The following AKAP6 variants were observed in gnomAD, a reference collection of about 807,000 sequenced individuals.
AKAP6 encodes the protein A-kinase anchoring protein 6, also known as A-kinase anchor protein 6.
AKAP6 carries 58 observed loss-of-function variants against 188.5 expected under a neutral mutation model. The ratio of observed to expected loss-of-function variants is 0.31; its 90% confidence interval spans 0.25 to 0.38. The LOEUF is 0.38. Ranked by LOEUF, AKAP6 falls within the 10% of genes least tolerant of loss-of-function variation. The probability of loss-of-function intolerance (pLI) is 1.00; values close to 1 mark genes in which losing one functional copy is unlikely to be tolerated. For missense variants in AKAP6, 2,710 were observed against 2,740.0 expected (o/e 0.99, Z 0.24); for synonymous variants, 989 against 998.6 (o/e 0.99, Z 0.18).
chr14:32,490,862 G>A (rs554864991), intron 2 of AKAP6, among the ~76,000 whole-genome samples: 1 of 152,144 alleles, frequency 6.6e-6, no homozygotes, highest in Non-Finnish European at 1.5e-5. Flanking sequence ...ACATAGGCTA[G>A]TCTGCTATAA....
At chr14:32,781,757 A>G (rs184832945) in intron 12 of AKAP6, among the ~76,000 whole-genome samples, 36 of 152,326 alleles carry the variant, frequency 2.4e-4, no homozygotes, top group African/African-American at 7.9e-4. Context: ...CTTGAAAACA[A>G]TCAATGTAAT....
chr14:32,669,846 C>T (rs1021067275), intron 7 of AKAP6, among the ~76,000 whole-genome samples: 2 of 152,138 alleles, frequency 1.3e-5, no homozygotes, highest in African/African-American at 4.8e-5. Flanking sequence ...CCTGTAATCC[C>T]AGCGGTTTGG....
intron 7 of AKAP6, among the ~76,000 whole-genome samples, chr14:32,634,248 C>A (rs1183436421): frequency 6.6e-6 from 1 of 151,962 alleles, no homozygotes; most frequent in Non-Finnish European, 1.5e-5. Flanking sequence ...ATAAGAGTAC[C>A]CAACTCACAG....
Position 32,559,845 on chromosome 14 carries a change from G to T in AKAP6, c.2346+12846G>T, listed in dbSNP as rs370770190. The stretch of plus-strand genomic sequence containing the variant: ...TCTGTTGCCAGGCTGGAGGGCAGTG[G>T]TGCAATCTCCTCTAAGCCTAATCTT... On this transcript the variant is annotated intron_variant, in intron 4 of 13. Coordinates refer to ENST00000280979, the MANE Select transcript of AKAP6 (RefSeq NM_004274.5). Among the ~76,000 whole-genome samples, 76 of 149,806 alleles carry T rather than the reference G, an allele frequency of 5.1e-4. 1 individual carries two copies. The highest frequency in any genetic ancestry group is 1.7e-3 in the African/African-American group (70 of 40,462).
chr14:32,697,557 C>G (rs563756979), intron 9 of AKAP6, among the ~76,000 whole-genome samples: 1 of 152,202 alleles, frequency 6.6e-6, no homozygotes, highest in South Asian at 2.1e-4. Flanking sequence ...AATATTTTAT[C>G]CCTAAGACTT....
At chr14:32,384,631 T>C (rs1888470067) in intron 1 of AKAP6, among the ~76,000 whole-genome samples, 1 of 152,196 alleles carries the variant, frequency 6.6e-6, no homozygotes, top group South Asian at 2.1e-4. Flanking sequence ...TGGTGTTTAC[T>C]TGTGTTATTT....
chr14:32,728,869 G>A (rs537222189), intron 9 of AKAP6, among the ~76,000 whole-genome samples: 1 of 152,146 alleles, frequency 6.6e-6, no homozygotes. Context: ...AATTCCCAGG[G>A]AGCTTTGGGG....
chr14:32,676,575 G>C (rs1950696), intron 7 of AKAP6, among the ~76,000 whole-genome samples: 38,230 of 151,978 alleles, frequency 0.25, 6,187 homozygotes, highest in East Asian at 0.58. Flanking sequence ...TTTGTTTATA[G>C]TGTTTGACAT....
At chr14:32,424,768 C>T (rs1889974701) in intron 1 of AKAP6, among the ~76,000 whole-genome samples, 1 of 152,104 alleles carries the variant, frequency 6.6e-6, no homozygotes, top group Non-Finnish European at 1.5e-5. Context: ...GTTTTCTGTT[C>T]ATGTGTTAAT....
intron 7 of AKAP6, among the ~76,000 whole-genome samples, chr14:32,676,331 A>G (rs920820925): frequency 1.2e-4 from 18 of 152,066 alleles, no homozygotes; most frequent in Non-Finnish European, 2.4e-4. Flanking sequence ...ATTTAGTTTT[A>G]TCCTTTTAAA....
chr14:32,443,131 C>T (rs1195901770), intron 2 of AKAP6, among the ~76,000 whole-genome samples: 1 of 152,124 alleles, frequency 6.6e-6, no homozygotes, highest in African/African-American at 2.4e-5. Context: ...CGTGGTGTCT[C>T]ACGCCTGTAA....
intron 1 of AKAP6, among the ~76,000 whole-genome samples, chr14:32,389,151 G>A (rs1417414423): frequency 6.6e-6 from 1 of 152,118 alleles, no homozygotes; most frequent in Non-Finnish European, 1.5e-5. Context: ...TCTGATACAA[G>A]AATAGCTACT....
chr14:32,562,821 G>A (rs1033420866), intron 4 of AKAP6, among the ~76,000 whole-genome samples: 1 of 152,272 alleles, frequency 6.6e-6, no homozygotes, highest in African/African-American at 2.4e-5. Context: ...CTGTAGTGTA[G>A]TAATCACATT....
Position 32,516,892 on chromosome 14 carries a change from C to T in AKAP6, c.325-18662C>T, listed in dbSNP as rs79565179. Among the ~76,000 whole-genome samples the T allele has an allele frequency of 9.4e-3, 1,438 of 152,202 alleles. 16 individuals carry two copies. Among genetic ancestry groups the T allele is most frequent in the African/African-American group, 0.033 (1,372 of 41,518 alleles). On this transcript the variant is annotated intron_variant, in intron 2 of 13. Transcript: ENST00000280979. ...TCTTTTCCCATTAAAGGAAACCAAG[C>T]CTTCTTAGAAAAATATCTGATTTTA...
chr14:32,750,570 G>A (rs1384413253), intron 11 of AKAP6, among the ~76,000 whole-genome samples: 1 of 150,778 alleles, frequency 6.6e-6, no homozygotes, highest in African/African-American at 2.4e-5. Context: ...AAAAAAAAAA[G>A]ATTGTGCTCA....
intron 9 of AKAP6, among the ~76,000 whole-genome samples, chr14:32,707,578 C>T (rs913339874): frequency 3.9e-5 from 6 of 152,084 alleles, no homozygotes; most frequent in South Asian, 4.2e-4. Context: ...GTGGAGGATT[C>T]GTGTTATTTA....
chr14:32,492,359 G>GAGAGAA (rs1880075235), intron 2 of AKAP6, among the ~76,000 whole-genome samples: 1 of 44,428 alleles, frequency 2.3e-5, no homozygotes, highest in Non-Finnish European at 6.7e-5. Context: ...TATATATAGA[G>GAGAGAA]AGAGAGAGAG....
At chr14:32,605,473 A>G (rs1886093594) in intron 7 of AKAP6, among the ~76,000 whole-genome samples, 1 of 152,206 alleles carries the variant, frequency 6.6e-6, no homozygotes, top group African/African-American at 2.4e-5. Flanking sequence ...CAATGTGACA[A>G]AAAATGATCC....
chr14:32,467,027 A>G (rs1594645049), intron 2 of AKAP6, among the ~76,000 whole-genome samples: 1 of 151,242 alleles, frequency 6.6e-6, no homozygotes, highest in East Asian at 1.9e-4. Context: ...GATGAAAACA[A>G]TAGACACCAG....
Sources: allele counts gnomAD v4.1 joint callset (sites outside exome capture counted in the v4.1 genomes callset), GRCh38; gene constraint gnomAD v4.1.1; transcripts MANE v1.5; gene names NCBI Gene and HGNC (gene_info 2026-07-23, HGNC 2026-07-21).